Variants in HMGN5 observed in about 807,000 individuals in gnomAD.
The protein encoded by HMGN5 is high mobility group nucleosome-binding domain-containing protein 5.
In HMGN5, 4 loss-of-function variants were observed where a neutral mutation model predicts 9.5. The observed-to-expected ratio is 0.42, with a 90% CI of 0.21 to 0.96. HMGN5 has a LOEUF of 0.96. Among genes scored for constraint, HMGN5 ranks in the 40% least tolerant of loss-of-function variants. The probability of loss-of-function intolerance (pLI) is 0.30; values close to 1 mark genes in which losing one functional copy is unlikely to be tolerated. For missense variants in HMGN5, 192 were observed against 187.5 expected (o/e 1.02, Z -0.14); for synonymous variants, 55 against 57.1 (o/e 0.96, Z 0.16).
At chrX:81,130,506 T>G (rs759638953) in intron 1 of HMGN5, among the ~76,000 whole-genome samples, 2 of 111,626 alleles carry the variant, frequency 1.8e-5, no homozygotes, top group South Asian at 7.4e-4. Flanking sequence ...TTTATTTCTT[T>G]TCAGTAATTC....
Position 81,113,722 on chromosome X carries a change from ATGTTCAG to A in HMGN5, c.*920_*926del. The A allele has an allele frequency of 8.8e-6, 1 of 113,821 alleles. No homozygotes were observed. The allele number at this position is 113,821 out of a possible 1,213,427, so 9.4% of individuals were successfully genotyped here. A position where few individuals can be genotyped will look rare whatever the true frequency, so the allele number is the denominator to read the frequency against. On this transcript the variant is annotated 3_prime_UTR_variant, in exon 7 of 7. Transcript: ENST00000358130. Reference sequence around the variant, plus strand: ...TATTATGTGATTCCATTTATAATAAATGTTCAGAATAGGCAAATCCATAGAGATAGAA... The same window carrying A: ...TATTATGTGATTCCATTTATAATAAAAATAGGCAAATCCATAGAGATAGAA...
chrX:81,194,049 G>T (rs932130471), intron 1 of HMGN5, among the ~76,000 whole-genome samples: 1 of 111,673 alleles, frequency 9.0e-6, no homozygotes, highest in African/African-American at 3.3e-5. Flanking sequence ...TTTTGACAAA[G>T]ATGGTATTGC....
chrX:81,120,806 C>G (rs773338077), intron 2 of HMGN5, among the ~76,000 whole-genome samples: 1 of 111,170 alleles, frequency 9.0e-6, no homozygotes, highest in Non-Finnish European at 1.9e-5. Flanking sequence ...GCTCGAAAGG[C>G]TCAGATCAAT....
intron 1 of HMGN5, among the ~76,000 whole-genome samples, chrX:81,143,091 T>TGCAA (rs1180934363): frequency 1.8e-5 from 2 of 111,106 alleles, no homozygotes; most frequent in Non-Finnish European, 3.8e-5. Flanking sequence ...ACATAGTATT[T>TGCAA]GCAAGCCTCA....
intron 1 of HMGN5, among the ~76,000 whole-genome samples, chrX:81,185,624 A>G (rs745853840): frequency 1.3e-4 from 14 of 111,220 alleles, no homozygotes; most frequent in African/African-American, 3.6e-4. Context: ...TTTTCTGATT[A>G]CTCTAACTAG....
intron 1 of HMGN5, among the ~76,000 whole-genome samples, chrX:81,176,118 G>A (rs1309776666): frequency 9.0e-6 from 1 of 111,641 alleles, no homozygotes; most frequent in Non-Finnish European, 1.9e-5. Context: ...TGCAACCTCC[G>A]CTGGTGATAG....
intron 3 of HMGN5, among the ~76,000 whole-genome samples, chrX:81,119,240 T>G (rs750673395): frequency 8.9e-6 from 1 of 111,883 alleles, no homozygotes; most frequent in South Asian, 3.7e-4. Flanking sequence ...ACCAAAATAT[T>G]AGATTAACAA....
intron 1 of HMGN5, among the ~76,000 whole-genome samples, chrX:81,188,026 CT>C (rs201150749): frequency 9.1e-6 from 1 of 110,022 alleles, no homozygotes; most frequent in African/African-American, 3.3e-5. Context: ...AACTTCATTC[CT>C]TTTTTTTAAC....
chrX:81,182,895 G>T (rs73634717), intron 1 of HMGN5, among the ~76,000 whole-genome samples: 1,514 of 111,661 alleles, frequency 0.014, 27 homozygotes, highest in African/African-American at 0.047. Context: ...GGCAGAGGTT[G>T]GAAGAGTGTG....
intron 1 of HMGN5, among the ~76,000 whole-genome samples, chrX:81,181,514 A>G (rs986342515): frequency 1.8e-5 from 2 of 111,271 alleles, no homozygotes; most frequent in African/African-American, 6.5e-5. Flanking sequence ...CCATAGTCAC[A>G]CTGTTGTGCT....
At chrX:81,133,539 G>T (rs937311479) in intron 1 of HMGN5, among the ~76,000 whole-genome samples, 6 of 111,578 alleles carry the variant, frequency 5.4e-5, no homozygotes, top group Non-Finnish European at 1.1e-4. Flanking sequence ...AAAAAAGAAT[G>T]AAATAATGTC....
chrX:81,154,718 G>C (rs773667917), intron 1 of HMGN5, among the ~76,000 whole-genome samples: 2 of 110,902 alleles, frequency 1.8e-5, no homozygotes, highest in Non-Finnish European at 3.8e-5. Flanking sequence ...GATTAGAATA[G>C]ACATTTCTCA....
chrX:81,178,660 C>A (rs1168641441), intron 1 of HMGN5, among the ~76,000 whole-genome samples: 1 of 111,723 alleles, frequency 9.0e-6, no homozygotes, highest in African/African-American at 3.3e-5. Flanking sequence ...GAAACTATTC[C>A]AATCAATAGA....
At chrX:81,144,553 C>T (rs1448977460) in intron 1 of HMGN5, among the ~76,000 whole-genome samples, 1 of 112,097 alleles carries the variant, frequency 8.9e-6, no homozygotes, top group Admixed American at 9.4e-5. Context: ...AAAACCAGCA[C>T]AAAAAGGTTG....
At position 81,114,046 on chromosome X, in the gene HMGN5, T is replaced by C. The variant is rs2075244862; in HGVS notation, c.*603A>G. Reference sequence around the variant, plus strand: ...GCACAATATTTCACTAGCTATATTTTTGAAGATATAACAAAACACAATCAT... The same window carrying C: ...GCACAATATTTCACTAGCTATATTTCTGAAGATATAACAAAACACAATCAT... On this transcript the variant is annotated 3_prime_UTR_variant, in exon 7 of 7. Coordinates refer to ENST00000358130, the MANE Select transcript of HMGN5 (RefSeq NM_030763.3). 1 of 112,298 alleles carries C rather than the reference T, an allele frequency of 8.9e-6. No individual in the cohort carries two copies. Among genetic ancestry groups the C allele is most frequent in the African/African-American group, 3.2e-5 (1 of 30,972 alleles). The allele number at this position is 112,298 out of a possible 1,213,427, so 9.3% of individuals were successfully genotyped here.
intron 1 of HMGN5, among the ~76,000 whole-genome samples, chrX:81,150,698 T>A (rs766737746): frequency 8.9e-6 from 1 of 112,021 alleles, no homozygotes; most frequent in African/African-American, 3.2e-5. Context: ...AGTTGCTTTT[T>A]TGAAAAGTTA....
chrX:81,180,837 TG>T (rs1466107405), intron 1 of HMGN5, among the ~76,000 whole-genome samples: 3 of 112,062 alleles, frequency 2.7e-5, no homozygotes, highest in Non-Finnish European at 5.6e-5. Context: ...TAAGAAAATG[TG>T]GCACATGTAC....
chrX:81,149,818 A>G (rs1385430774), intron 1 of HMGN5, among the ~76,000 whole-genome samples: 1 of 112,121 alleles, frequency 8.9e-6, no homozygotes, highest in Non-Finnish European at 1.9e-5. Flanking sequence ...AAAGATGGTT[A>G]CTATATAATC....
At chrX:81,146,294 A>T (rs954959583) in intron 1 of HMGN5, among the ~76,000 whole-genome samples, 3 of 111,488 alleles carry the variant, frequency 2.7e-5, no homozygotes, top group African/African-American at 9.8e-5. Flanking sequence ...AAATCATAAC[A>T]GTCTCTCAGA....
Sources: gnomAD v4.1 joint callset for allele counts (sites outside exome capture counted in the v4.1 genomes callset) on GRCh38, gnomAD v4.1.1 for gene constraint, MANE v1.5 for transcripts, NCBI Gene and HGNC (gene_info 2026-07-23, HGNC 2026-07-21) for gene names.